Variants in ADGRA1 observed in about 807,000 individuals in gnomAD.
ADGRA1 encodes G-protein coupled receptor 123.
ADGRA1 carries 12 observed loss-of-function variants against 21.3 expected under a neutral mutation model. The ratio of observed to expected loss-of-function variants is 0.56; its 90% CI spans 0.36 to 0.91. ADGRA1 has a LOEUF of 0.91. Among genes scored for constraint, ADGRA1 ranks in the 40% least tolerant of loss-of-function variants. ADGRA1 has a pLI of 0.01. For synonymous variants in ADGRA1, 385 were observed against 368.8 expected (o/e 1.04, Z -0.50); for missense variants, 790 against 805.6 (o/e 0.98, Z 0.23).
At chr10:133,122,559 C>T (rs1217842289) in intron 5 of ADGRA1, among the ~76,000 whole-genome samples, 2 of 152,246 alleles carry the variant, frequency 1.3e-5, no homozygotes, top group Non-Finnish European at 2.9e-5. Flanking sequence ...TCTTTCCTTT[C>T]CTTTTAAAAA....
At chr10:133,089,054 G>A (rs1055543793) in intron 2 of ADGRA1, 142 bp downstream of exon 2, 1 of 1,232,680 alleles carries the variant, frequency 8.1e-7, no homozygotes, top group South Asian at 4.1e-5. Context: ...TGCCGGGGTG[G>A]GAGGCTCTGT....
chr10:133,117,291 G>A lies in ADGRA1; in HGVS notation c.402-9942G>A, dbSNP rs528853433. On this transcript the variant is annotated intron_variant, in intron 5 of 6. Coordinates refer to ENST00000392607, the MANE Select transcript of ADGRA1 (RefSeq NM_001083909.3). ...CCACCCCTGCCCACTGCCTGGGCCC[G>A]AGACCCGAGACCTGTGCACACAGAG... 3.3e-4 allele frequency among the ~76,000 whole-genome samples: 51 copies of A among 152,336 alleles called. 1 individual carries two copies. The highest frequency in any genetic ancestry group is 3.9e-4 in the Admixed American group (6 of 15,308).
rs1225957646 is a variant in ADGRA1, at chr10:133,111,245, ACAACCTGCCC to A, written c.401+8404_401+8413del. Among the ~76,000 whole-genome samples the A allele has an allele frequency of 3.3e-4, 38 of 113,944 alleles. 6 individuals carry two copies. Among genetic ancestry groups the A allele is most frequent in the African/African-American group, 1.5e-3 (32 of 21,014 alleles). 74.8% of individuals were successfully genotyped at this position (113,944 alleles called of 152,430 possible). ...GGCACCTCCCTCCTAATCCCACCAGACAACCTGCCCACCACAGGCACCTCCCTCCTAATCC... is the reference window on the plus strand; with the variant it reads ...GGCACCTCCCTCCTAATCCCACCAGAACCACAGGCACCTCCCTCCTAATCC... On this transcript the variant is annotated intron_variant, in intron 5 of 6. Coordinates refer to ENST00000392607, the MANE Select transcript of ADGRA1 (RefSeq NM_001083909.3).
chr10:133,092,770 G>GA (rs1451947381), intron 2 of ADGRA1, among the ~76,000 whole-genome samples: 1 of 130,122 alleles, frequency 7.7e-6, no homozygotes, highest in Non-Finnish European at 1.6e-5. Context: ...AGGAAGGAAG[G>GA]AAGGAAGGAA....
At chr10:133,096,061 G>A (rs1324318664) in intron 2 of ADGRA1, among the ~76,000 whole-genome samples, 1 of 152,232 alleles carries the variant, frequency 6.6e-6, no homozygotes, top group Admixed American at 6.5e-5. Flanking sequence ...TCGCCTGCCT[G>A]AGGTTCATAA....
chr10:133,128,339 G>C lies in ADGRA1; in HGVS notation c.511G>C (p.Ala171Pro), dbSNP rs145543174. The C allele has an allele frequency of 3.6e-4, 553 of 1,548,668 alleles. No individual in the cohort carries two copies. The highest frequency in any genetic ancestry group is 4.4e-4 in the Non-Finnish European group (511 of 1,149,668). Residue 171 changes from alanine (A) to proline (P), a missense_variant, in exon 7 of 7, where the codon GCC (alanine) becomes CCC (proline). By Grantham distance (27) the Ala-to-Pro change is conservative (BLOSUM62 -1). Around this residue, in one of 3 missense-constraint regions of ADGRA1, gnomAD observed 382 missense variants for 415.6 expected, o/e 0.92. Transcript: ENST00000392607. ...EDEDTAYCWM[A>P]WEPSLGAFYG... The stretch of plus-strand genomic sequence containing the variant: ...TGCGTCTCCCCACAGCTGCTGGATG[G>C]CCTGGGAGCCCAGCCTGGGCGCCTT...
At position 133,097,071 on chromosome 10, in the gene ADGRA1, C is replaced by T; in HGVS notation, c.101C>T (p.Ala34Val). The T allele has an allele frequency of 6.2e-7, 1 of 1,608,190 alleles. No homozygotes were observed. Among genetic ancestry groups the T allele is most frequent in the Non-Finnish European group, 8.5e-7 (1 of 1,179,992 alleles). ...GCCGTCATGCTGCTCTGCCTCCTGG[C>T]CTCCTTCGTCACCTACATCGTGCAC... ...CTAVMLLCLL[A>V]SFVTYIVHQS... The change falls in exon 3 of 7, where the codon GCC becomes GTC. Residue 34 changes from alanine to valine, a missense_variant. Coordinates refer to ENST00000392607, the MANE Select transcript of ADGRA1 (RefSeq NM_001083909.3).
intron 4 of ADGRA1, chr10:133,102,442 A>G (rs765987877): frequency 3.2e-6 from 2 of 622,842 alleles, no homozygotes; most frequent in African/African-American, 1.8e-5. Flanking sequence ...GCACAGGCCC[A>G]TGGGTCCCCA....
intron 5 of ADGRA1, among the ~76,000 whole-genome samples, chr10:133,123,695 G>C (rs1852319104): frequency 7.3e-6 from 1 of 137,488 alleles, no homozygotes; most frequent in Non-Finnish European, 1.5e-5. Context: ...ACGTCGAGTT[G>C]TGGGGAGGAC....
Position 133,128,500 on chromosome 10 carries a change from C to T in ADGRA1, c.672C>T (p.Pro224=), listed in dbSNP as rs1377827930. ...QPEEQRRLAT[P]EGGRGIRPGT... ...AGGAGCAGCGGCGGCTGGCGACACCCGAGGGCGGCCGTGGGATCCGGCCAG... is the reference window on the plus strand; with the variant it reads ...AGGAGCAGCGGCGGCTGGCGACACCTGAGGGCGGCCGTGGGATCCGGCCAG... Residue 224 remains proline, a synonymous_variant, in exon 7 of 7, where the codon CCC becomes CCT. Coordinates refer to ENST00000392607, the MANE Select transcript of ADGRA1 (RefSeq NM_001083909.3). The T allele has an allele frequency of 3.2e-6, 5 of 1,551,318 alleles. No homozygotes were observed. The highest frequency in any genetic ancestry group is 3.5e-6 in the Non-Finnish European group (4 of 1,149,442).
Position 133,088,713 on chromosome 10 carries a change from A to T in ADGRA1, c.-197A>T, listed in dbSNP as rs1851546254. The T allele has an allele frequency of 8.1e-7, 1 of 1,227,476 alleles. No homozygotes were observed. The highest frequency in any genetic ancestry group is 1.6e-5 in the African/African-American group (1 of 64,130). The allele number at this position is 1,227,476 out of a possible 1,614,324, so 76.0% of individuals were successfully genotyped here. A position where few individuals can be genotyped will look rare whatever the true frequency, so the allele number is the denominator to read the frequency against. On this transcript the variant is annotated 5_prime_UTR_variant, in exon 2 of 7. Coordinates refer to ENST00000392607, the MANE Select transcript of ADGRA1 (RefSeq NM_001083909.3). ...GACCGCCGCTGTCTTCACAGATGGGAGCAGCTCCCGGACTGCGCCCGCCCC... is the reference window on the plus strand; with the variant it reads ...GACCGCCGCTGTCTTCACAGATGGGTGCAGCTCCCGGACTGCGCCCGCCCC...
intron 4 of ADGRA1, among the ~76,000 whole-genome samples, chr10:133,100,070 C>A (rs1449743294): frequency 6.6e-6 from 1 of 152,228 alleles, no homozygotes; most frequent in African/African-American, 2.4e-5. Context: ...GCCGGGCAGG[C>A]GCTCACACAA....
chr10:133,113,330 G>T (rs960327066), intron 5 of ADGRA1, among the ~76,000 whole-genome samples: 1 of 152,220 alleles, frequency 6.6e-6, no homozygotes, highest in Admixed American at 6.5e-5. Context: ...TCCGTGTCAC[G>T]GCCCGGCTTG....
At chr10:133,113,700 G>A (rs2135895314) in intron 5 of ADGRA1, among the ~76,000 whole-genome samples, 1 of 147,010 alleles carries the variant, frequency 6.8e-6, no homozygotes, top group South Asian at 2.3e-4. Flanking sequence ...CAAGCGACCT[G>A]GCGCCTGCCA....
chr10:133,113,198 C>G (rs1276162425), intron 5 of ADGRA1, among the ~76,000 whole-genome samples: 5 of 74,714 alleles, frequency 6.7e-5, no homozygotes, highest in South Asian at 4.9e-4. Context: ...CTGTAAGCCG[C>G]GTCGGTTATT....
intron 2 of ADGRA1, among the ~76,000 whole-genome samples, chr10:133,090,746 T>C (rs1307644873): frequency 2.6e-5 from 4 of 151,886 alleles, no homozygotes; most frequent in Non-Finnish European, 4.4e-5. Flanking sequence ...AGGGGCAAGC[T>C]GCCTGCTGAG....
At position 133,128,847 on chromosome 10, in the gene ADGRA1, G is replaced by A. The variant is rs757966363; in HGVS notation, c.1019G>A (p.Arg340His). 45 of 1,585,932 alleles carry A rather than the reference G, an allele frequency of 2.8e-5. No individual in the cohort carries two copies. The East Asian group carries it at 5.2e-4, about 18-fold the overall frequency. Residue 340 changes from arginine (R) to histidine (H), a missense_variant, in exon 7 of 7, where the codon CGC becomes CAC. Transcript: ENST00000392607. ...ALDANGAALG[R>H]AACLHSPGLG... ...GACGCCAACGGGGCCGCGCTGGGCC[G>A]CGCCGCCTGCCTGCACTCGCCGGGA...
intron 5 of ADGRA1, among the ~76,000 whole-genome samples, chr10:133,118,344 C>T (rs970401787): frequency 2.6e-5 from 4 of 152,114 alleles, no homozygotes; most frequent in African/African-American, 9.7e-5. Context: ...AGTATAAATA[C>T]AACTTTTATG....
At chr10:133,093,095 C>T (rs779891241) in intron 2 of ADGRA1, 3 of 1,597,134 alleles carry the variant, frequency 1.9e-6, no homozygotes. Context: ...AGCTGCAGAC[C>T]TAGCCCCGGA....
Sources: gnomAD v4.1 joint callset for allele counts (sites outside exome capture counted in the v4.1 genomes callset) on GRCh38, gnomAD v4.1.1 for gene constraint, gnomAD v4.1.1 regional missense constraint, MANE v1.5 for transcripts, NCBI Gene and HGNC (gene_info 2026-07-23, HGNC 2026-07-21) for gene names.